The following EYS variants were observed in gnomAD, a reference collection of about 807,000 sequenced individuals.
EYS encodes the protein EGF-like photoreceptor maintenance factor.
Under a neutral mutation model 282.1 loss-of-function variants are expected in EYS, and 250 were observed. The ratio of observed to expected loss-of-function variants is 0.89; its 90% CI spans 0.80 to 0.98. The LOEUF (loss-of-function observed/expected upper bound fraction) is 0.98. Ranked by LOEUF, EYS falls within the 50% of genes least tolerant of loss-of-function variation. EYS has a pLI of 0.00. For synonymous variants in EYS, 1,355 were observed against 1,282.9 expected (o/e 1.06, Z -1.20); for missense variants, 4,016 against 3,709.0 (o/e 1.08, Z -2.15).
At chr6:65,599,077 C>T (rs1051210967) in intron 2 of EYS, among the ~76,000 whole-genome samples, 2 of 151,990 alleles carry the variant, frequency 1.3e-5, no homozygotes, top group East Asian at 1.9e-4. Flanking sequence ...ACTCAAGTCC[C>T]GCAGTCAGCC....
intron 2 of EYS, among the ~76,000 whole-genome samples, chr6:65,602,687 TAAGC>T (rs1765653050): frequency 2.6e-5 from 4 of 151,976 alleles, no homozygotes; most frequent in Admixed American, 1.3e-4. Flanking sequence ...AGTTTGTGGT[TAAGC>T]AGGCAGTAAA....
intron 33 of EYS, among the ~76,000 whole-genome samples, chr6:64,036,177 A>G (rs1357594839): frequency 1.3e-5 from 2 of 152,130 alleles, no homozygotes; most frequent in Admixed American, 1.3e-4. Flanking sequence ...GCCATTCCAG[A>G]CTAGGAAACA....
chr6:65,474,987 G>GA (rs1301352077), intron 5 of EYS, among the ~76,000 whole-genome samples: 6 of 151,966 alleles, frequency 3.9e-5, no homozygotes, highest in Admixed American at 6.6e-5. Context: ...AAGGCACAGA[G>GA]AAAAAATATG....
At chr6:65,443,144 T>A (rs1033052708) in intron 5 of EYS, among the ~76,000 whole-genome samples, 1 of 151,054 alleles carries the variant, frequency 6.6e-6, no homozygotes, top group Non-Finnish European at 1.5e-5. Context: ...TACATATATG[T>A]ACACATCATA....
Position 64,570,609 on chromosome 6 carries a change from C to CA in EYS, c.5644+19613dup, listed in dbSNP as rs563281897. On this transcript the variant is annotated intron_variant, in intron 26 of 42. Coordinates refer to ENST00000503581, the MANE Select transcript of EYS (RefSeq NM_001142800.2). ...AAATATTTACCGAGCAAATTGAAAG[C>CA]AAAAAAAAGCAGGGATTGCAATCCT... 7.2e-4 allele frequency among the ~76,000 whole-genome samples: 109 copies of CA among 150,384 alleles called. 1 individual carries two copies. The East Asian group carries it at 9.3e-3, about 13-fold the overall frequency.
At chr6:64,181,962 AT>A (rs879511895) in intron 31 of EYS, among the ~76,000 whole-genome samples, 118 of 85,244 alleles carry the variant, frequency 1.4e-3, no homozygotes, top group Non-Finnish European at 1.8e-3. Context: ...ATTTCTATTT[AT>A]GATTGTATTT....
intron 22 of EYS, among the ~76,000 whole-genome samples, chr6:64,698,555 G>A (rs1770667189): frequency 6.6e-6 from 1 of 152,062 alleles, no homozygotes; most frequent in African/African-American, 2.4e-5. Context: ...ACAACCTATG[G>A]AATGGGAGAA....
intron 42 of EYS, among the ~76,000 whole-genome samples, chr6:63,723,042 C>G (rs1269642660): frequency 6.6e-6 from 1 of 152,196 alleles, no homozygotes; most frequent in Non-Finnish European, 1.5e-5. Context: ...AAAACGGTAT[C>G]TGGCCCATAA....
chr6:64,454,877 A>G (rs755147843), intron 26 of EYS, among the ~76,000 whole-genome samples: 1 of 152,170 alleles, frequency 6.6e-6, no homozygotes, highest in African/African-American at 2.4e-5. Flanking sequence ...GACGACTTCT[A>G]TGACATTTTT....
chr6:64,306,902 T>C (rs1453986456), intron 30 of EYS, 68 bp downstream of exon 30: 30 of 782,182 alleles, frequency 3.8e-5, no homozygotes, highest in Non-Finnish European at 6.0e-5. Flanking sequence ...ATTATTTCAA[T>C]TGGAAATGAT....
intron 2 of EYS, among the ~76,000 whole-genome samples, chr6:65,598,915 A>C (rs1230232249): frequency 6.6e-6 from 1 of 152,110 alleles, no homozygotes; most frequent in Non-Finnish European, 1.5e-5. Context: ...GTCATCACTT[A>C]AATTGAGTGT....
intron 22 of EYS, among the ~76,000 whole-genome samples, chr6:64,799,545 A>G (rs971110646): frequency 6.6e-6 from 1 of 151,644 alleles, no homozygotes; most frequent in African/African-American, 2.4e-5. Flanking sequence ...AAAGCATCTA[A>G]CAAATATTCA....
chr6:64,953,588 C>A (rs1467214102), intron 14 of EYS, among the ~76,000 whole-genome samples: 1 of 151,704 alleles, frequency 6.6e-6, no homozygotes, highest in Admixed American at 6.6e-5. Context: ...TTTATAAAAA[C>A]AAACAGAACT....
intron 31 of EYS, among the ~76,000 whole-genome samples, chr6:64,137,239 ATTAG>A (rs1774192043): frequency 6.6e-6 from 1 of 152,066 alleles, no homozygotes; most frequent in Admixed American, 6.6e-5. Flanking sequence ...GTTGCTCTGG[ATTAG>A]TCTTTGGTTT....
chr6:65,002,059 A>ATATTG (rs200947982), intron 13 of EYS, among the ~76,000 whole-genome samples: 1 of 146,510 alleles, frequency 6.8e-6, no homozygotes, highest in Admixed American at 6.8e-5. Flanking sequence ...AAAGTCAAAT[A>ATATTG]TAATACATTG....
rs376632836 is a variant in EYS at position 64,591,711 on chromosome 6, C to T, written c.4156G>A (p.Asp1386Asn). The T allele has an allele frequency of 1.4e-5, 21 of 1,551,142 alleles. No individual in the cohort carries two copies. The Admixed American group carries it at 1.8e-4, about 13-fold the overall frequency. The change falls in exon 26 of 43, where the codon GAT becomes AAT. Residue 1386 changes from aspartate to asparagine, a missense_variant. Asp to Asn is a conservative substitution (Grantham distance 23, BLOSUM62 1). Transcript: ENST00000503581. ...ATAAATGGGGTCCTTGCTCTCCTAT[C>T]AGGAAAAAAGAAACCTAGTGTGGCT... ...SAATLGFFFPDRRARTPFIMS... is the reference protein window; with the variant it reads ...SAATLGFFFPNRRARTPFIMS...
intron 5 of EYS, among the ~76,000 whole-genome samples, chr6:65,411,927 T>C (rs1767033813): frequency 6.6e-6 from 1 of 152,056 alleles, no homozygotes; most frequent in Non-Finnish European, 1.5e-5. Flanking sequence ...AGTTTTTCAC[T>C]ATTACAAATT....
At chr6:65,242,767 C>T (rs1235868836) in intron 12 of EYS, among the ~76,000 whole-genome samples, 1 of 151,988 alleles carries the variant, frequency 6.6e-6, no homozygotes, top group African/African-American at 2.4e-5. Flanking sequence ...TTCTCTACAA[C>T]TTAATGGAAA....
At chr6:64,811,415 A>C (rs1475237771) in intron 22 of EYS, among the ~76,000 whole-genome samples, 1 of 120,228 alleles carries the variant, frequency 8.3e-6, no homozygotes, top group Non-Finnish European at 1.9e-5. Context: ...TACTGGCTTC[A>C]TGCTGTAAAA....
Sources: gnomAD v4.1 joint callset for allele counts (sites outside exome capture counted in the v4.1 genomes callset) on GRCh38, gnomAD v4.1.1 for gene constraint, MANE v1.5 for transcripts, NCBI Gene and HGNC (gene_info 2026-07-23, HGNC 2026-07-21) for gene names.